FCAMR: variants seen among roughly 807,000 people sequenced by gnomAD.
FCAMR encodes the protein Fc alpha and mu receptor.
In FCAMR, 51 loss-of-function variants were observed where a neutral mutation model predicts 52.2. That is an observed-to-expected ratio of 0.98 (90% CI 0.78 to 1.23). The LOEUF (loss-of-function observed/expected upper bound fraction) is 1.23. Among genes scored for constraint, FCAMR ranks in the 50% most tolerant of loss-of-function variants. FCAMR has a pLI of 0.00. For missense variants in FCAMR, 719 were observed against 712.6 expected (o/e 1.01, Z -0.10); for synonymous variants, 282 against 262.0 (o/e 1.08, Z -0.74).
At chr1:206,965,908 C>T (rs376854752) in intron 3 of FCAMR, 50 bp from the exon 4 acceptor site, 1 of 1,609,202 alleles carries the variant, frequency 6.2e-7, no homozygotes, top group Non-Finnish European at 8.5e-7. Context: ...CATGTGTCCA[C>T]AAAGGCACCT....
chr1:206,960,195 A>C, intron 6 of FCAMR: 1 of 557,134 alleles, frequency 1.8e-6, no homozygotes, highest in Non-Finnish European at 3.2e-6. Context: ...GTTCCAGCCT[A>C]AATATTGTCT....
chr1:206,958,962 G>A lies in FCAMR; in HGVS notation c.1574-286C>T, dbSNP rs562386583. 9.8e-5 allele frequency: 55 copies of A among 561,804 alleles called. 1 individual carries two copies. The highest frequency in any genetic ancestry group is 6.3e-4 in the South Asian group (41 of 65,248). 34.8% of individuals were successfully genotyped at this position (561,804 alleles called of 1,614,324 possible). On this transcript the variant is annotated intron_variant, in intron 7 of 7. Coordinates refer to ENST00000324852, the MANE Select transcript of FCAMR (RefSeq NM_001170631.2). ...CTCACTTTAAGAGTACTTAAACCTGGGCATGTTGCTCTCAGAGAATTTTAG... is the reference window on the plus strand; with the variant it reads ...CTCACTTTAAGAGTACTTAAACCTGAGCATGTTGCTCTCAGAGAATTTTAG...
chr1:206,967,467 G>T, intron 2 of FCAMR, 116 bp downstream of exon 2: 1 of 1,147,116 alleles, frequency 8.7e-7, no homozygotes, highest in Non-Finnish European at 1.3e-6. Context: ...GAAAGGCCAC[G>T]TTTGAAGTCC....
chr1:206,964,592 G>A (rs542310749), intron 4 of FCAMR, among the ~76,000 whole-genome samples: 12 of 151,630 alleles, frequency 7.9e-5, no homozygotes, highest in East Asian at 2.0e-4. Flanking sequence ...TCCCTCTTGC[G>A]CCATGTGCTG....
At chr1:206,962,076 G>A (rs922584683) in intron 5 of FCAMR, 137 bp downstream of exon 5, 4 of 860,902 alleles carry the variant, frequency 4.6e-6, no homozygotes, top group Non-Finnish European at 7.0e-6. Context: ...ACTTCTTAAA[G>A]TCTTTGCCTT....
intron 7 of FCAMR, chr1:206,958,889 G>GCC: frequency 1.5e-6 from 1 of 682,634 alleles, no homozygotes; most frequent in Non-Finnish European, 2.7e-6. Flanking sequence ...TCCACTTGCT[G>GCC]CCAGAAAATC....
At chr1:206,968,472 T>C (rs748506898) in intron 1 of FCAMR, among the ~76,000 whole-genome samples, 5 of 152,364 alleles carry the variant, frequency 3.3e-5, no homozygotes, top group East Asian at 3.9e-4. Flanking sequence ...CTGAGACCTA[T>C]AGATTTTTGA....
chr1:206,961,390 A>T (rs1381957147), intron 5 of FCAMR, among the ~76,000 whole-genome samples, 167 bp from the exon 6 acceptor site: 1 of 152,226 alleles, frequency 6.6e-6, no homozygotes, highest in Non-Finnish European at 1.5e-5. Flanking sequence ...AAAATGTTTC[A>T]TTCTCCAGTT....
chr1:206,960,193 CT>C (rs1277415431), intron 6 of FCAMR: 3 of 558,314 alleles, frequency 5.4e-6, no homozygotes, highest in Non-Finnish European at 6.4e-6. Context: ...AGGTTCCAGC[CT>C]AAATATTGTC....
chr1:206,959,602 T>C (rs945864204), intron 7 of FCAMR, 77 bp downstream of exon 7: 2 of 1,178,590 alleles, frequency 1.7e-6, no homozygotes, highest in Non-Finnish European at 1.3e-6. Flanking sequence ...CTGGCAGGAC[T>C]CTACCCCTAC....
rs1254978846 is a variant in FCAMR, at chr1:206,960,973, A to G, written c.903T>C (p.Ser301=). Residue 301 remains serine, a synonymous_variant, in exon 6 of 8, where the codon TCT becomes TCC. Transcript: ENST00000324852. ...APGTGSWAEG[S]VKAPAPIPES... is the part of the protein sequence containing the mutation. Reference sequence around the variant, plus strand: ...CTGGAATCGGAGCAGGTGCTTTGACAGAACCCTCTGCCCAGCTGCCTGTCC... The same window carrying G: ...CTGGAATCGGAGCAGGTGCTTTGACGGAACCCTCTGCCCAGCTGCCTGTCC... The G allele has an allele frequency of 5.8e-6, 9 of 1,551,800 alleles. No homozygotes were observed. The Admixed American group carries it at 1.6e-4, about 27-fold the overall frequency.
chr1:206,967,466 C>A, intron 2 of FCAMR, 117 bp downstream of exon 2: 1 of 1,125,460 alleles, frequency 8.9e-7, no homozygotes, highest in Non-Finnish European at 1.3e-6. Flanking sequence ...GGAAAGGCCA[C>A]GTTTGAAGTC....
At chr1:206,964,921 T>TG (rs1175783405) in intron 4 of FCAMR, among the ~76,000 whole-genome samples, 1 of 152,152 alleles carries the variant, frequency 6.6e-6, no homozygotes, top group Non-Finnish European at 1.5e-5. Flanking sequence ...CTTCTGAGTA[T>TG]GGGGTCCTGT....
intron 4 of FCAMR, 64 bp from the exon 5 acceptor site, chr1:206,962,615 A>C: frequency 7.0e-5 from 95 of 1,353,664 alleles, no homozygotes; most frequent in Non-Finnish European, 8.4e-5. Flanking sequence ...TTGGGGACTC[A>C]CGAACTCTGA....
intron 3 of FCAMR, among the ~76,000 whole-genome samples, chr1:206,966,849 G>A (rs940168744): frequency 2.6e-5 from 4 of 152,116 alleles, no homozygotes; most frequent in Non-Finnish European, 4.4e-5. Flanking sequence ...TACTCTTGGC[G>A]CATACTCACT....
At chr1:206,959,874 C>T (rs1680431233) in intron 6 of FCAMR, 77 bp from the exon 7 acceptor site, 2 of 1,192,822 alleles carry the variant, frequency 1.7e-6, no homozygotes, top group African/African-American at 1.5e-5. Flanking sequence ...TTACCCACAT[C>T]CTTACTTTAC....
rs187743836 is a variant in FCAMR, at chr1:206,965,735, C to T, written c.293G>A (p.Arg98Gln). The T allele has an allele frequency of 4.5e-5, 71 of 1,575,744 alleles. No homozygotes were observed. The East Asian group carries it at 1.0e-3, about 22-fold the overall frequency. The change falls in exon 4 of 8, where the codon CGG becomes CAG. Residue 98 changes from arginine (R) to glutamine (Q), a missense_variant. Physicochemically the swap from Arg to Gln is conservative, Grantham distance 43. Transcript: ENST00000324852. Reference protein sequence around the residue: ...TLRPSSPLCWREESSFAAPNS... With the variant: ...TLRPSSPLCWQEESSFAAPNS... ...TGTACCTGCAAAGGAGCTCTCCTCC[C>T]GCCAGCAGAGGGGCGAGGAAGGCCT...
At chr1:206,967,007 G>A (rs1357580841) in intron 3 of FCAMR, 45 bp downstream of exon 3, 4 of 1,604,832 alleles carry the variant, frequency 2.5e-6, no homozygotes, top group East Asian at 2.2e-5. Flanking sequence ...GAAGACTCAG[G>A]TCTGGTTTTG....
rs551537668 is a variant in FCAMR, at chr1:206,959,799, T to C, written c.1455-2A>G. The C allele has an allele frequency of 3.8e-5, 61 of 1,610,630 alleles. No homozygotes were observed. The highest frequency in any genetic ancestry group is 2.3e-4 in the Admixed American group (14 of 60,002). On this transcript the variant is annotated splice_acceptor_variant, in intron 6 of 7. Coordinates refer to ENST00000324852, the MANE Select transcript of FCAMR (RefSeq NM_001170631.2). LOFTEE classifies it high-confidence loss of function. ...CTGCTTTCATCTTCTGGAAAAGTAC[T>C]ACAGTGGGGGTGGAAAGAGCACAGG...
Sources: allele counts gnomAD v4.1 joint callset (sites outside exome capture counted in the v4.1 genomes callset), GRCh38; gene constraint gnomAD v4.1.1; transcripts MANE v1.5; gene names NCBI Gene and HGNC (gene_info 2026-07-23, HGNC 2026-07-21).